Variants in ASIC2 observed in about 807,000 individuals in gnomAD.
The protein encoded by ASIC2 is acid sensing ion channel subunit 2, also known as acid-sensing ion channel 2.
A neutral mutation model predicts 57.3 loss-of-function variants in ASIC2; 25 were observed. The ratio of observed to expected loss-of-function variants is 0.44; its 90% CI spans 0.32 to 0.61. ASIC2 has a LOEUF of 0.61. Among genes scored for constraint, ASIC2 ranks in the 20% least tolerant of loss-of-function variants. The probability of loss-of-function intolerance (pLI) is 0.06; values close to 1 mark genes in which losing one functional copy is unlikely to be tolerated. For synonymous variants in ASIC2, 319 were observed against 307.5 expected, an observed-to-expected ratio of 1.04 and a Z score of -0.39; for missense variants, 641 against 738.1, an observed-to-expected ratio of 0.87 and a Z score of 1.52.
intron 1 of ASIC2, among the ~76,000 whole-genome samples, chr17:33,352,535 C>T (rs896564529): frequency 6.6e-6 from 1 of 152,136 alleles, no homozygotes; most frequent in African/African-American, 2.4e-5. Context: ...ACCCTTCTGA[C>T]CCTATCTGTC....
chr17:34,034,190 T>A (rs1173942361), intron 1 of ASIC2, among the ~76,000 whole-genome samples: 1 of 152,224 alleles, frequency 6.6e-6, no homozygotes, highest in Non-Finnish European at 1.5e-5. Context: ...ATCCCTGGAA[T>A]GCAAGGCTGG....
At chr17:33,768,464 T>G (rs1398733446) in intron 1 of ASIC2, among the ~76,000 whole-genome samples, 1 of 152,142 alleles carries the variant, frequency 6.6e-6, no homozygotes, top group African/African-American at 2.4e-5. Flanking sequence ...AACAAGCATA[T>G]AAATGGGCCT....
chr17:33,988,422 G>A (rs317365), intron 1 of ASIC2, among the ~76,000 whole-genome samples: 80,174 of 151,912 alleles, frequency 0.53, 21,952 homozygotes, highest in Non-Finnish European at 0.62. Context: ...TTTGCCTGCT[G>A]CCATCCATGT....
intron 1 of ASIC2, among the ~76,000 whole-genome samples, chr17:33,619,896 C>A (rs1230533593): frequency 2.6e-5 from 4 of 151,860 alleles, no homozygotes; most frequent in African/African-American, 9.7e-5. Context: ...GACATTTTAA[C>A]AACGCATGAG....
chr17:33,731,904 T>C (rs1193030489), intron 1 of ASIC2, among the ~76,000 whole-genome samples: 1 of 152,092 alleles, frequency 6.6e-6, no homozygotes, highest in African/African-American at 2.4e-5. Flanking sequence ...TTGGGGGAGC[T>C]GTTGTGATAT....
chr17:34,039,268 G>T (rs1908007343), intron 1 of ASIC2: 4 of 1,613,770 alleles, frequency 2.5e-6, no homozygotes, highest in South Asian at 2.2e-5. Flanking sequence ...GTGCTGGATG[G>T]AGATCTGTTT....
intron 1 of ASIC2, among the ~76,000 whole-genome samples, chr17:33,465,549 T>A (rs543858728): frequency 1.3e-5 from 2 of 152,160 alleles, no homozygotes; most frequent in South Asian, 4.2e-4. Flanking sequence ...GAATTTTGTA[T>A]TTTTAGTAGA....
chr17:33,458,965 T>A lies in ASIC2; in HGVS notation c.556-346898A>T, dbSNP rs140693744. Among the ~76,000 whole-genome samples, 177 of 152,258 alleles carry A rather than the reference T, an allele frequency of 1.2e-3. 1 individual carries two copies. Among genetic ancestry groups the A allele is most frequent in the African/African-American group, 4.0e-3 (167 of 41,548 alleles). On this transcript the variant is annotated intron_variant, in intron 1 of 9. Transcript: ENST00000359872. ...TTGGAGCTGATAATATTATCAAGAC[T>A]GATGGTCTCATTACTGGAAAACCTC...
chr17:33,480,280 CAT>C (rs1913360308), intron 1 of ASIC2, among the ~76,000 whole-genome samples: 1 of 151,836 alleles, frequency 6.6e-6, no homozygotes, highest in South Asian at 2.1e-4. Context: ...AAGAAATAAA[CAT>C]AAAGAAAAAG....
chr17:33,423,721 T>A (rs1227373642), intron 1 of ASIC2, among the ~76,000 whole-genome samples: 1 of 152,120 alleles, frequency 6.6e-6, no homozygotes, highest in African/African-American at 2.4e-5. Flanking sequence ...GTTGACCAGA[T>A]GACCAAACAT....
rs948858166 is a variant in ASIC2 at position 34,130,207 on chromosome 17, T to C, written c.555+25771A>G. On this transcript the variant is annotated intron_variant, in intron 1 of 9. Coordinates refer to the ASIC2 transcript ENST00000359872. ...CACACACTTTTCAAGGCGAGATCAT[T>C]AGAGGCAGTCACTGCCACCCATGAC... 3.9e-5 allele frequency among the ~76,000 whole-genome samples: 6 copies of C among 152,124 alleles called. No individual in the cohort carries two copies. The East Asian group carries it at 5.8e-4, about 15-fold the overall frequency.
intron 1 of ASIC2, among the ~76,000 whole-genome samples, chr17:34,094,661 T>C (rs528243947): frequency 1.3e-5 from 2 of 152,328 alleles, no homozygotes; most frequent in South Asian, 2.1e-4. Flanking sequence ...AGCTCAACCT[T>C]GCAAATTATC....
At chr17:33,849,063 C>T (rs1312093606) in intron 1 of ASIC2, among the ~76,000 whole-genome samples, 2 of 152,190 alleles carry the variant, frequency 1.3e-5, no homozygotes, top group African/African-American at 2.4e-5. Flanking sequence ...ATTTTTACAA[C>T]TAGTTTGTGC....
intron 1 of ASIC2, among the ~76,000 whole-genome samples, chr17:33,313,949 A>C (rs897185838): frequency 3.9e-5 from 6 of 152,002 alleles, no homozygotes; most frequent in African/African-American, 1.2e-4. Context: ...CCCCTTCTTC[A>C]TGGAGTTCTC....
chr17:33,991,731 G>T (rs926553544), intron 1 of ASIC2, among the ~76,000 whole-genome samples: 1 of 152,192 alleles, frequency 6.6e-6, no homozygotes, highest in African/African-American at 2.4e-5. Context: ...ATAACTTAAT[G>T]AGATTATTAA....
At chr17:34,038,249 T>G in intron 1 of ASIC2, 1 of 1,611,042 alleles carries the variant, frequency 6.2e-7, no homozygotes, top group Non-Finnish European at 8.5e-7. Context: ...GGCCTCTTTC[T>G]CTGACATTAA....
chr17:33,338,093 G>A (rs2142233796), intron 1 of ASIC2, among the ~76,000 whole-genome samples: 1 of 152,124 alleles, frequency 6.6e-6, no homozygotes, highest in African/African-American at 2.4e-5. Context: ...CAGGGAGGAT[G>A]GAGAGGTTTC....
chr17:33,121,916 G>C (rs187608969), intron 1 of ASIC2, among the ~76,000 whole-genome samples: 1 of 152,312 alleles, frequency 6.6e-6, no homozygotes, highest in African/African-American at 2.4e-5. Flanking sequence ...CTGGCTCTCT[G>C]ATCTGCCCAC....
chr17:33,492,541 G>T (rs964070143), intron 1 of ASIC2, among the ~76,000 whole-genome samples: 2 of 152,238 alleles, frequency 1.3e-5, no homozygotes, highest in East Asian at 1.9e-4. Flanking sequence ...TGAATCTTTG[G>T]TCTCCTTCCT....
Sources: gnomAD v4.1 joint callset for allele counts (sites outside exome capture counted in the v4.1 genomes callset) on GRCh38, gnomAD v4.1.1 for gene constraint, MANE v1.5 for transcripts, NCBI Gene and HGNC (gene_info 2026-07-23, HGNC 2026-07-21) for gene names.